The following ASTN2 variants were observed in gnomAD, a reference collection of about 807,000 sequenced individuals.
The protein encoded by ASTN2 is astrotactin 2, also known as astrotactin-2.
A neutral mutation model predicts 139.8 loss-of-function variants in ASTN2; 54 were observed. The ratio of observed to expected loss-of-function variants is 0.39; its 90% CI spans 0.31 to 0.48. The LOEUF (loss-of-function observed/expected upper bound fraction) is 0.48, where lower values mean the gene tolerates loss of function less well. Among genes scored for constraint, ASTN2 ranks in the 20% least tolerant of loss-of-function variants. ASTN2 has a pLI of 0.95. For synonymous variants in ASTN2, 756 were observed against 719.5 expected, an observed-to-expected ratio of 1.05 and a Z score of -0.81; for missense variants, 1,565 against 1,725.1, an observed-to-expected ratio of 0.91 and a Z score of 1.64.
At position 117,164,481 on chromosome 9, in the gene ASTN2, ATGT is replaced by A. The variant is rs569153444; in HGVS notation, c.1016-23006_1016-23004del. On this transcript the variant is annotated intron_variant, in intron 3 of 22. Transcript: ENST00000313400. ...TAAAGGAGAGCAGAATCCTAGCCTAATGTTGTATGAAGTTTGGGGAAAGATCAA... is the reference window on the plus strand; with the variant it reads ...TAAAGGAGAGCAGAATCCTAGCCTAATGTATGAAGTTTGGGGAAAGATCAA... 2.0e-4 allele frequency among the ~76,000 whole-genome samples: 31 copies of A among 152,190 alleles called. No homozygotes were observed. In the South Asian group the frequency reaches 5.6e-3, roughly 28 times the overall value.
At chr9:116,630,094 C>G (rs1458811954) in intron 17 of ASTN2, among the ~76,000 whole-genome samples, 1 of 152,162 alleles carries the variant, frequency 6.6e-6, no homozygotes, top group Non-Finnish European at 1.5e-5. Flanking sequence ...AAACACAGTG[C>G]TCAGTGAGAA....
chr9:116,568,376 T>G, intron 19 of ASTN2: 1 of 152,172 alleles, frequency 6.6e-6, no homozygotes, highest in East Asian at 1.9e-4. Flanking sequence ...TTTTATCTTT[T>G]TTTAGGAGAT....
chr9:116,808,264 A>T (rs551510231), intron 12 of ASTN2, among the ~76,000 whole-genome samples: 8 of 146,976 alleles, frequency 5.4e-5, no homozygotes, highest in Admixed American at 3.5e-4. Flanking sequence ...TTTTCAATGC[A>T]TTTAAATACA....
chr9:117,070,048 C>G (rs1164487685), intron 5 of ASTN2, among the ~76,000 whole-genome samples: 1 of 150,298 alleles, frequency 6.7e-6, no homozygotes, highest in Non-Finnish European at 1.5e-5. Context: ...TTGATCCTGT[C>G]ATTATGATGT....
At chr9:117,370,027 G>A (rs1201327881) in intron 1 of ASTN2, among the ~76,000 whole-genome samples, 1 of 148,544 alleles carries the variant, frequency 6.7e-6, no homozygotes. Context: ...TTGGCCCTAA[G>A]TCCAGGTATA....
chr9:117,287,107 C>T (rs10759912), intron 2 of ASTN2, among the ~76,000 whole-genome samples: 55,999 of 152,084 alleles, frequency 0.37, 11,727 homozygotes, highest in East Asian at 0.57. Context: ...AGGTGCTGCA[C>T]TTAGTGCCTG....
At chr9:116,603,818 GCTA>G (rs770299102) in intron 19 of ASTN2, among the ~76,000 whole-genome samples, 2 of 152,184 alleles carry the variant, frequency 1.3e-5, no homozygotes, top group Non-Finnish European at 2.9e-5. Flanking sequence ...ACGGGAAGCT[GCTA>G]CTAAGGACAA....
In ASTN2 at chr9:117,016,614, ATC is replaced by A. The variant is rs1277716218; in HGVS notation, c.1424-8357_1424-8356del. Among the ~76,000 whole-genome samples, 72 of 8,096 alleles carry A rather than the reference ATC, an allele frequency of 8.9e-3. 3 individuals carry two copies. The highest frequency in any genetic ancestry group is 0.011 in the Non-Finnish European group (48 of 4,194). 5.3% of individuals were successfully genotyped at this position (8,096 alleles called of 152,430 possible). The stretch of plus-strand genomic sequence containing the variant: ...GTTTTATATATATATCTATATCTAT[ATC>A]TATCTATCTATATATATATATATAT... On this transcript the variant is annotated intron_variant, in intron 6 of 22. Coordinates refer to ENST00000313400, the MANE Select transcript of ASTN2 (RefSeq NM_001365068.1).
intron 7 of ASTN2, among the ~76,000 whole-genome samples, chr9:116,981,832 T>TA (rs888092602): frequency 3.3e-5 from 5 of 152,108 alleles, no homozygotes; most frequent in African/African-American, 1.2e-4. Context: ...AATGGAGACC[T>TA]AAAAAAAAGA....
chr9:116,440,473 G>T, intron 22 of ASTN2, 136 bp downstream of exon 22: 3 of 779,690 alleles, frequency 3.8e-6, no homozygotes, highest in Non-Finnish European at 6.1e-6. Context: ...TCTATCTTTA[G>T]CCTTGACACG....
intron 6 of ASTN2, among the ~76,000 whole-genome samples, chr9:117,016,368 A>C (rs2132603129): frequency 6.6e-6 from 1 of 151,952 alleles, no homozygotes; most frequent in Non-Finnish European, 1.5e-5. Context: ...TAAGTGCCAT[A>C]ACTTCTAAGA....
intron 13 of ASTN2, among the ~76,000 whole-genome samples, chr9:116,805,035 A>G (rs568309181): frequency 7.3e-4 from 109 of 150,206 alleles, no homozygotes; most frequent in Middle Eastern, 3.6e-3. Context: ...TCCTCACATA[A>G]TCTGGCCAAC....
At chr9:117,383,734 A>G (rs1433979522) in intron 1 of ASTN2, among the ~76,000 whole-genome samples, 1 of 152,212 alleles carries the variant, frequency 6.6e-6, no homozygotes, top group Non-Finnish European at 1.5e-5. Flanking sequence ...CCCAACCCAC[A>G]TGCCTCATTG....
At chr9:116,791,757 C>G (rs933191867) in intron 13 of ASTN2, among the ~76,000 whole-genome samples, 1 of 152,142 alleles carries the variant, frequency 6.6e-6, no homozygotes, top group African/African-American at 2.4e-5. Flanking sequence ...AATGAAATTG[C>G]GCTTCTTTAA....
intron 16 of ASTN2, among the ~76,000 whole-genome samples, chr9:116,680,733 T>C (rs974385409): frequency 6.6e-6 from 1 of 152,166 alleles, no homozygotes; most frequent in Non-Finnish European, 1.5e-5. Context: ...TGCAAATCAA[T>C]AAATGCAATC....
At chr9:116,565,375 CTCTCTCTCTCTCCATATATATATA>C (rs1695181555) in intron 19 of ASTN2, among the ~76,000 whole-genome samples, 5 of 30,610 alleles carry the variant, frequency 1.6e-4, no homozygotes, top group African/African-American at 6.3e-4. Flanking sequence ...CTCTCTCTCT[CTCTCTCTCTCTCCATATATATATA>C]TATATATATA....
chr9:116,637,014 C>T (rs1414620522), intron 17 of ASTN2, among the ~76,000 whole-genome samples: 1 of 152,222 alleles, frequency 6.6e-6, no homozygotes, highest in African/African-American at 2.4e-5. Context: ...GTATGCAGCA[C>T]CAAGGTGCCA....
At chr9:116,825,493 TC>T (rs541605913) in intron 11 of ASTN2, among the ~76,000 whole-genome samples, 159 of 152,302 alleles carry the variant, frequency 1.0e-3, no homozygotes, top group African/African-American at 3.7e-3. Flanking sequence ...AGTATGTCCC[TC>T]CTCCATGGAG....
intron 16 of ASTN2, chr9:116,687,223 T>C: frequency 9.9e-7 from 1 of 1,006,552 alleles, no homozygotes; most frequent in Non-Finnish European, 1.2e-6. Context: ...TGGGGCCAGC[T>C]GCACGACAAG....
Sources: allele counts gnomAD v4.1 joint callset (sites outside exome capture counted in the v4.1 genomes callset), GRCh38; gene constraint gnomAD v4.1.1; transcripts MANE v1.5; gene names NCBI Gene and HGNC (gene_info 2026-07-23, HGNC 2026-07-21).